The following XIRP2 variants were observed in gnomAD, a reference collection of about 807,000 sequenced individuals.
The protein encoded by XIRP2 is xin actin-binding repeat-containing protein 2.
A neutral mutation model predicts 277.0 loss-of-function variants in XIRP2; 236 were observed. That is an observed-to-expected ratio of 0.85 (90% CI 0.77 to 0.95). The LOEUF (loss-of-function observed/expected upper bound fraction) is 0.95, where lower values mean the gene tolerates loss of function less well. Among genes scored for constraint, XIRP2 ranks in the 40% least tolerant of loss-of-function variants. The pLI is 0.00. For synonymous variants in XIRP2, 1,490 were observed against 1,416.5 expected (o/e 1.05, Z -1.17); for missense variants, 4,640 against 4,157.5 (o/e 1.12, Z -3.19).
intron 8 of XIRP2, 35 bp downstream of exon 8, chr2:167,241,945 T>C (rs1405347764): frequency 6.4e-7 from 1 of 1,568,754 alleles, no homozygotes; most frequent in Non-Finnish European, 8.6e-7. Flanking sequence ...ACATACTAAG[T>C]GTAAGACCAA....
At chr2:167,201,186 GAGAGAA>G (rs1371961545) in intron 3 of XIRP2, among the ~76,000 whole-genome samples, 7 of 116,718 alleles carry the variant, frequency 6.0e-5, no homozygotes, top group East Asian at 5.2e-4. Flanking sequence ...GAAAGAGAGA[GAGAGAA>G]AGAAAGAAAG....
At chr2:166,958,872 A>C (rs1361784409) in intron 2 of XIRP2, among the ~76,000 whole-genome samples, 1 of 151,778 alleles carries the variant, frequency 6.6e-6, no homozygotes. Context: ...ATTCAGCATT[A>C]TGTATTCATG....
chr2:167,142,969 A>G (rs1220525452), intron 3 of XIRP2, among the ~76,000 whole-genome samples: 2 of 152,126 alleles, frequency 1.3e-5, no homozygotes, highest in Non-Finnish European at 2.9e-5. Flanking sequence ...AGGGAGAGAG[A>G]AAAAGATGGA....
At chr2:167,139,070 A>AT (rs1402445324) in intron 3 of XIRP2, among the ~76,000 whole-genome samples, 1 of 149,350 alleles carries the variant, frequency 6.7e-6, no homozygotes, top group East Asian at 2.0e-4. Flanking sequence ...CTGTCTCAAA[A>AT]AATATATATA....
At chr2:166,977,157 T>G (rs144171384) in intron 2 of XIRP2, among the ~76,000 whole-genome samples, 1 of 152,340 alleles carries the variant, frequency 6.6e-6, no homozygotes, top group East Asian at 1.9e-4. Flanking sequence ...AAAATCCTTT[T>G]TTTAAAAAGT....
chr2:167,248,454 A>G lies in XIRP2; in HGVS notation c.7062A>G (p.Lys2354=). 2 of 1,613,668 alleles carry G rather than the reference A, an allele frequency of 1.2e-6. No individual in the cohort carries two copies. Among genetic ancestry groups the G allele is most frequent in the Non-Finnish European group, 1.7e-6 (2 of 1,179,752 alleles). ...LPLPPPPVDE[K]SERESSSMFL... is the part of the protein sequence containing the mutation. ...TTCCTCCACCTCCAGTAGATGAGAA[A>G]TCTGAAAGAGAAAGTTCATCGATGT... The change falls in exon 9 of 11, where the codon AAA becomes AAG. Residue 2354 remains lysine, a synonymous_variant. Coordinates refer to ENST00000409195, the MANE Select transcript of XIRP2 (RefSeq NM_152381.6).
intron 3 of XIRP2, among the ~76,000 whole-genome samples, chr2:167,198,402 A>G (rs7575856): frequency 0.039 from 5,959 of 152,284 alleles, 128 homozygotes; most frequent in Non-Finnish European, 0.051. Context: ...TTTAAGATGT[A>G]TACAACATTA....
chr2:167,027,169 A>G (rs953386971), intron 2 of XIRP2, among the ~76,000 whole-genome samples: 2 of 152,110 alleles, frequency 1.3e-5, no homozygotes, highest in African/African-American at 4.8e-5. Context: ...GTCTTTTCAC[A>G]TAGTCCTATA....
At chr2:167,059,069 A>C (rs2105237366) in intron 2 of XIRP2, among the ~76,000 whole-genome samples, 1 of 151,516 alleles carries the variant, frequency 6.6e-6, no homozygotes, top group East Asian at 1.9e-4. Flanking sequence ...AAAGTTGGTA[A>C]GCATTGGCTA....
chr2:167,095,264 G>A (rs1690267809), intron 2 of XIRP2, among the ~76,000 whole-genome samples: 1 of 152,198 alleles, frequency 6.6e-6, no homozygotes, highest in African/African-American at 2.4e-5. Flanking sequence ...TGCAAACAGA[G>A]ATAATTTGAT....
At chr2:167,129,066 G>A (rs1026377631) in intron 2 of XIRP2, among the ~76,000 whole-genome samples, 9 of 152,034 alleles carry the variant, frequency 5.9e-5, no homozygotes, top group Admixed American at 5.2e-4. Context: ...TCCAGGAAAG[G>A]ACTTCTGAAA....
At chr2:167,232,597 T>C (rs952032139) in intron 5 of XIRP2, among the ~76,000 whole-genome samples, 1 of 151,994 alleles carries the variant, frequency 6.6e-6, no homozygotes, top group African/African-American at 2.4e-5. Context: ...CCTGAATTAC[T>C]AGGAAAATGT....
chr2:167,050,278 T>A (rs1404042899), intron 2 of XIRP2, among the ~76,000 whole-genome samples: 1 of 152,082 alleles, frequency 6.6e-6, no homozygotes, highest in Non-Finnish European at 1.5e-5. Flanking sequence ...TTAGGTGAGA[T>A]TTTAACAGTA....
intron 5 of XIRP2, among the ~76,000 whole-genome samples, chr2:167,225,860 C>A (rs1347944226): frequency 6.6e-6 from 1 of 152,126 alleles, no homozygotes; most frequent in East Asian, 1.9e-4. Flanking sequence ...TTTCTTGGTG[C>A]CTGTGGCTGA....
chr2:167,038,405 A>C (rs1464502910), intron 2 of XIRP2, among the ~76,000 whole-genome samples: 1 of 151,510 alleles, frequency 6.6e-6, no homozygotes, highest in Non-Finnish European at 1.5e-5. Context: ...TCTGTATTTC[A>C]TCCTCTTTAA....
chr2:167,085,282 G>C, intron 2 of XIRP2, among the ~76,000 whole-genome samples: 1 of 151,778 alleles, frequency 6.6e-6, no homozygotes, highest in Non-Finnish European at 1.5e-5. Flanking sequence ...CTGAGTTCTA[G>C]TTTGATTGCA....
At chr2:167,050,926 A>G (rs753208224) in intron 2 of XIRP2, among the ~76,000 whole-genome samples, 3 of 151,976 alleles carry the variant, frequency 2.0e-5, no homozygotes, top group Non-Finnish European at 4.4e-5. Flanking sequence ...AATGCCTTTA[A>G]ATAGTTTACC....
intron 5 of XIRP2, among the ~76,000 whole-genome samples, chr2:167,223,039 A>G (rs978510570): frequency 1.3e-5 from 2 of 152,168 alleles, no homozygotes; most frequent in African/African-American, 2.4e-5. Context: ...CATTGTACCT[A>G]TTAGCAGTCT....
At chr2:167,049,788 T>A (rs1307270772) in intron 2 of XIRP2, among the ~76,000 whole-genome samples, 1 of 152,022 alleles carries the variant, frequency 6.6e-6, no homozygotes, top group African/African-American at 2.4e-5. Context: ...AGAACTGCAA[T>A]GAGAAAACAA....
Sources: allele counts gnomAD v4.1 joint callset (sites outside exome capture counted in the v4.1 genomes callset), GRCh38; gene constraint gnomAD v4.1.1; transcripts MANE v1.5; gene names NCBI Gene and HGNC (gene_info 2026-07-23, HGNC 2026-07-21).